The following PLCL1 variants were observed in gnomAD, a reference collection of about 807,000 sequenced individuals.
The protein encoded by PLCL1 is inactive phospholipase C-like protein 1.
In PLCL1, 41 loss-of-function variants were observed where a neutral mutation model predicts 84.4. That is an observed-to-expected ratio of 0.49 (90% confidence interval 0.38 to 0.63). The LOEUF (loss-of-function observed/expected upper bound fraction) is 0.63, where lower values mean the gene tolerates loss of function less well. Among genes scored for constraint, PLCL1 ranks in the 30% least tolerant of loss-of-function variants. The pLI is 0.00. For missense variants in PLCL1, 1,206 were observed against 1,367.8 expected (o/e 0.88, Z 1.87); for synonymous variants, 490 against 488.3 (o/e 1.00, Z -0.05).
chr2:198,034,106 A>G (rs892141033), intron 1 of PLCL1, among the ~76,000 whole-genome samples: 1 of 151,876 alleles, frequency 6.6e-6, no homozygotes, highest in Non-Finnish European at 1.5e-5. Context: ...TTAACTCGTC[A>G]TTTACGTTAG....
chr2:197,962,479 G>GTA (rs1432424586), intron 1 of PLCL1, among the ~76,000 whole-genome samples: 1 of 151,978 alleles, frequency 6.6e-6, no homozygotes, highest in African/African-American at 2.4e-5. Context: ...TACACAGTAG[G>GTA]TATATATATT....
chr2:198,100,005 A>G (rs532539201), intron 3 of PLCL1, among the ~76,000 whole-genome samples: 23 of 152,320 alleles, frequency 1.5e-4, no homozygotes, highest in African/African-American at 4.6e-4. Context: ...CCTAGGAAAA[A>G]TAAGAGTGGA....
At chr2:197,889,204 A>G (rs1687971308) in intron 1 of PLCL1, among the ~76,000 whole-genome samples, 1 of 152,206 alleles carries the variant, frequency 6.6e-6, no homozygotes, top group Non-Finnish European at 1.5e-5. Flanking sequence ...TGGCCATTGC[A>G]GAACAAAAGG....
intron 1 of PLCL1, among the ~76,000 whole-genome samples, chr2:198,063,156 ATACTT>A (rs561650578): frequency 2.8e-3 from 406 of 145,988 alleles, no homozygotes; most frequent in Non-Finnish European, 4.4e-3. Flanking sequence ...ACTTAATACT[ATACTT>A]TACTGAGTTT....
chr2:197,990,497 G>A (rs1294451915), intron 1 of PLCL1, among the ~76,000 whole-genome samples: 1 of 152,180 alleles, frequency 6.6e-6, no homozygotes, highest in Non-Finnish European at 1.5e-5. Flanking sequence ...CATGGCTGGG[G>A]AGGCCTCACA....
At chr2:198,005,286 T>C (rs1246586735) in intron 1 of PLCL1, among the ~76,000 whole-genome samples, 1 of 152,260 alleles carries the variant, frequency 6.6e-6, no homozygotes, top group African/African-American at 2.4e-5. Context: ...TGTGAAATTA[T>C]GGCAAATTCA....
At chr2:198,116,986 A>G (rs1693762280) in intron 5 of PLCL1, among the ~76,000 whole-genome samples, 1 of 151,914 alleles carries the variant, frequency 6.6e-6, no homozygotes, top group African/African-American at 2.4e-5. Flanking sequence ...AAATATTGCA[A>G]TTCAAATCTC....
At chr2:197,840,618 C>T (rs1686977070) in intron 1 of PLCL1, among the ~76,000 whole-genome samples, 1 of 152,032 alleles carries the variant, frequency 6.6e-6, no homozygotes, top group South Asian at 2.1e-4. Context: ...AAGGGCAAAT[C>T]CTACTCTCAG....
intron 1 of PLCL1, among the ~76,000 whole-genome samples, chr2:198,017,564 C>T (rs1018567236): frequency 6.6e-6 from 1 of 152,168 alleles, no homozygotes; most frequent in African/African-American, 2.4e-5. Flanking sequence ...GAGTTCCAAG[C>T]CAATTGTTGA....
chr2:197,884,363 T>A lies in PLCL1; in HGVS notation c.240+79024T>A, dbSNP rs1687881226. 2.0e-5 allele frequency among the ~76,000 whole-genome samples: 3 copies of A among 152,318 alleles called. No homozygotes were observed. In the South Asian group the frequency reaches 6.2e-4, roughly 32 times the overall value. Reference sequence around the variant, plus strand: ...CAAAAAGTTTAGCTCCCAGTTGAGTTCTCTCTCTTTTAGTTGTCCTAGAAG... The same window carrying A: ...CAAAAAGTTTAGCTCCCAGTTGAGTACTCTCTCTTTTAGTTGTCCTAGAAG... On this transcript the variant is annotated intron_variant, in intron 1 of 5. Coordinates refer to ENST00000428675, the MANE Select transcript of PLCL1 (RefSeq NM_006226.4).
intron 1 of PLCL1, among the ~76,000 whole-genome samples, chr2:197,836,446 CAAAAA>C (rs35510400): frequency 2.9e-5 from 1 of 34,534 alleles, no homozygotes; most frequent in African/African-American, 1.0e-4. Flanking sequence ...GACTCCGTCT[CAAAAA>C]AAAAAAAAAA....
rs1477328836 is a variant in PLCL1, at chr2:198,149,231, G to C, written c.*2269G>C. The C allele has an allele frequency of 6.6e-6, 1 of 152,276 alleles. No individual in the cohort carries two copies. The highest frequency in any genetic ancestry group is 2.4e-5 in the African/African-American group (1 of 41,450). 9.4% of individuals were successfully genotyped at this position (152,276 alleles called of 1,614,324 possible). A position where few individuals can be genotyped will look rare whatever the true frequency, so the allele number is the denominator to read the frequency against. ...CCATGACATTGTTACATTCTATGAGGAGCATCTGTCTCCTTTCTAGACTTG... is the reference window on the plus strand; with the variant it reads ...CCATGACATTGTTACATTCTATGAGCAGCATCTGTCTCCTTTCTAGACTTG... On this transcript the variant is annotated 3_prime_UTR_variant, in exon 6 of 6. Transcript: ENST00000428675.
intron 4 of PLCL1, among the ~76,000 whole-genome samples, chr2:198,103,100 G>A (rs547418631): frequency 6.6e-6 from 1 of 152,036 alleles, no homozygotes; most frequent in Admixed American, 6.6e-5. Context: ...ATCTATGTGG[G>A]TTCCAGGACC....
At chr2:197,847,023 G>C (rs953772939) in intron 1 of PLCL1, among the ~76,000 whole-genome samples, 3 of 152,052 alleles carry the variant, frequency 2.0e-5, no homozygotes, top group Non-Finnish European at 4.4e-5. Context: ...TTGCATGAAT[G>C]GTATGTACTT....
chr2:197,821,617 G>A (rs1690817735), intron 1 of PLCL1, among the ~76,000 whole-genome samples: 1 of 152,128 alleles, frequency 6.6e-6, no homozygotes, highest in Admixed American at 6.6e-5. Context: ...GAAGGGGGAT[G>A]AGGAAAGTGG....
At chr2:197,837,619 C>T (rs1691218202) in intron 1 of PLCL1, among the ~76,000 whole-genome samples, 4 of 152,154 alleles carry the variant, frequency 2.6e-5, no homozygotes, top group African/African-American at 7.2e-5. Flanking sequence ...CGGGATTGGG[C>T]CAGGCCTGTA....
intron 1 of PLCL1, among the ~76,000 whole-genome samples, chr2:197,812,391 C>T (rs925160901): frequency 6.6e-6 from 1 of 152,188 alleles, no homozygotes; most frequent in African/African-American, 2.4e-5. Context: ...TCCACAGTGA[C>T]TGAACTAATT....
At chr2:198,099,655 A>G (rs1392969950) in intron 3 of PLCL1, among the ~76,000 whole-genome samples, 2 of 152,114 alleles carry the variant, frequency 1.3e-5, no homozygotes, top group Non-Finnish European at 2.9e-5. Context: ...GGAATCTCAA[A>G]CAGAAGCTTG....
chr2:197,860,729 C>T (rs942113642), intron 1 of PLCL1, among the ~76,000 whole-genome samples: 3 of 151,754 alleles, frequency 2.0e-5, no homozygotes, highest in African/African-American at 4.8e-5. Flanking sequence ...GACCGTTTTT[C>T]TTGTAAATTT....
Sources: allele counts gnomAD v4.1 joint callset (sites outside exome capture counted in the v4.1 genomes callset), GRCh38; gene constraint gnomAD v4.1.1; transcripts MANE v1.5; gene names NCBI Gene and HGNC (gene_info 2026-07-23, HGNC 2026-07-21).